Variants in REPS2 observed in about 807,000 individuals in gnomAD.
REPS2 encodes ralBP1-associated Eps domain-containing protein 2.
REPS2 carries 23 observed loss-of-function variants against 53.6 expected under a neutral mutation model. The observed-to-expected ratio is 0.43, with a 90% CI of 0.31 to 0.61. The LOEUF is 0.61. Ranked by LOEUF, REPS2 falls within the 20% of genes least tolerant of loss-of-function variation. The probability of loss-of-function intolerance (pLI) is 0.11; values close to 1 mark genes in which losing one functional copy is unlikely to be tolerated. For synonymous variants in REPS2, 238 were observed against 218.6 expected, an observed-to-expected ratio of 1.09 and a Z score of -0.78; for missense variants, 446 against 534.9, an observed-to-expected ratio of 0.83 and a Z score of 1.64.
intron 5 of REPS2, among the ~76,000 whole-genome samples, chrX:17,034,580 T>A (rs1383835319): frequency 1.8e-5 from 2 of 112,300 alleles, no homozygotes; most frequent in Non-Finnish European, 3.8e-5. Flanking sequence ...TATTTTTACC[T>A]GAATTTAGGG....
intron 4 of REPS2, among the ~76,000 whole-genome samples, chrX:17,026,946 C>G (rs1017386320): frequency 7.2e-5 from 8 of 110,645 alleles, no homozygotes; most frequent in Non-Finnish European, 1.3e-4. Flanking sequence ...TGCCACCACA[C>G]CGGGCTAATT....
At chrX:16,972,472 T>C (rs1293692139) in intron 1 of REPS2, among the ~76,000 whole-genome samples, 1 of 111,663 alleles carries the variant, frequency 9.0e-6, no homozygotes, top group Non-Finnish European at 1.9e-5. Flanking sequence ...TTGGCTTTTT[T>C]TTAGTGCCAC....
intron 1 of REPS2, among the ~76,000 whole-genome samples, chrX:16,962,356 GGA>G (rs971741751): frequency 9.7e-6 from 1 of 103,463 alleles, no homozygotes; most frequent in Non-Finnish European, 2.0e-5. Context: ...CCTTAAAAAA[GGA>G]GATCATGCTA....
chrX:17,056,533 A>G (rs1475361657), intron 8 of REPS2, among the ~76,000 whole-genome samples: 1 of 111,227 alleles, frequency 9.0e-6, no homozygotes, highest in East Asian at 2.8e-4. Flanking sequence ...ACTAAAAAAT[A>G]CAAAGAAAAA....
chrX:17,003,347 G>A (rs1485601496), intron 1 of REPS2, among the ~76,000 whole-genome samples: 6 of 111,727 alleles, frequency 5.4e-5, no homozygotes, highest in African/African-American at 2.0e-4. Flanking sequence ...CATCTGGTGT[G>A]ACTAAAGTCT....
chrX:17,133,798 G>A, intron 14 of REPS2, 26 bp from the exon 15 acceptor site: 2 of 1,170,697 alleles, frequency 1.7e-6, no homozygotes, highest in Non-Finnish European at 2.3e-6. Context: ...TTGCATTTCT[G>A]TCCTCTCTCT....
At chrX:17,061,793 G>A (rs778926989) in intron 8 of REPS2, among the ~76,000 whole-genome samples, 2 of 112,210 alleles carry the variant, frequency 1.8e-5, no homozygotes, top group Admixed American at 9.5e-5. Flanking sequence ...ATCTTTCCTC[G>A]TGTGAATTCA....
At chrX:17,050,611 A>T (rs1454577095) in intron 6 of REPS2, among the ~76,000 whole-genome samples, 1 of 111,464 alleles carries the variant, frequency 9.0e-6, no homozygotes, top group African/African-American at 3.3e-5. Flanking sequence ...TCACCTCATG[A>T]TGCATTTCTC....
At chrX:17,125,148 C>G (rs748514991) in intron 14 of REPS2, among the ~76,000 whole-genome samples, 8 of 110,898 alleles carry the variant, frequency 7.2e-5, no homozygotes, top group African/African-American at 2.3e-4. Flanking sequence ...CCACCATGCC[C>G]GGCCAGACTA....
intron 14 of REPS2, among the ~76,000 whole-genome samples, chrX:17,109,665 T>C (rs746131243): frequency 9.0e-6 from 1 of 111,308 alleles, no homozygotes; most frequent in Non-Finnish European, 1.9e-5. Context: ...CCTCAGGTCC[T>C]GTGTGTACTA....
chrX:17,181,801 TAC>T, the REPS2 span, among the ~76,000 whole-genome samples: 841 of 112,367 alleles, frequency 7.5e-3, 10 homozygotes, highest in African/African-American at 0.026. Context: ...CAAGTAAAAC[TAC>T]ACAGTTAGCC....
At chrX:17,085,107 C>T (rs779694555) in intron 13 of REPS2, among the ~76,000 whole-genome samples, 15 of 111,824 alleles carry the variant, frequency 1.3e-4, no homozygotes, top group Non-Finnish European at 7.5e-5. Context: ...ATACAGTTGT[C>T]CCAGTACCAT....
chrX:17,102,083 T>TTTATG (rs1170531314), intron 13 of REPS2, among the ~76,000 whole-genome samples: 1 of 43,650 alleles, frequency 2.3e-5, no homozygotes, highest in Non-Finnish European at 4.6e-5. Context: ...GTTATGTTAT[T>TTTATG]TTATTTTATT....
In REPS2 at chrX:17,103,654, A is replaced by G. The variant is rs750946686; in HGVS notation, c.1517-64A>G. ...CCATTGCCATTCCAAGTTAACAAGC[A>G]TAAGAGTTTTTTGTTGTTTATTTTT... On this transcript the variant is annotated intron_variant, in intron 13 of 17. Coordinates refer to ENST00000357277, the MANE Select transcript of REPS2 (RefSeq NM_004726.3). 26 of 1,050,153 alleles carry G rather than the reference A, an allele frequency of 2.5e-5. No individual in the cohort carries two copies. In the South Asian group the frequency reaches 4.6e-4, roughly 18 times the overall value. 86.5% of individuals were successfully genotyped at this position (1,050,153 alleles called of 1,213,427 possible).
intron 14 of REPS2, among the ~76,000 whole-genome samples, chrX:17,117,325 C>A (rs1603065265): frequency 9.0e-6 from 1 of 111,100 alleles, no homozygotes; most frequent in South Asian, 3.8e-4. Flanking sequence ...GCACAACGTG[C>A]AGGTTTGTTA....
intron 7 of REPS2, among the ~76,000 whole-genome samples, chrX:17,054,541 A>G (rs1206557648): frequency 8.9e-6 from 1 of 112,153 alleles, no homozygotes; most frequent in Non-Finnish European, 1.9e-5. Context: ...TTCTTGTCCT[A>G]TGTCCTCAGT....
intron 14 of REPS2, among the ~76,000 whole-genome samples, chrX:17,122,855 A>C (rs1451216714): frequency 8.9e-6 from 1 of 112,307 alleles, no homozygotes; most frequent in Non-Finnish European, 1.9e-5. Context: ...ATCACAGTCT[A>C]AGTGTGAACT....
intron 1 of REPS2, among the ~76,000 whole-genome samples, chrX:16,999,368 A>ATTTTTTTTTTTTTTTT (rs1162932789): frequency 1.6e-5 from 1 of 62,745 alleles, no homozygotes; most frequent in Non-Finnish European, 3.0e-5. Context: ...GATGTTCCTG[A>ATTTTTTTTTTTTTTTT]TTTTTTTTTT....
At chrX:17,130,020 G>A (rs897713284) in intron 14 of REPS2, among the ~76,000 whole-genome samples, 6 of 112,245 alleles carry the variant, frequency 5.3e-5, no homozygotes, top group Non-Finnish European at 1.1e-4. Context: ...TACCTTCCAA[G>A]CAATAGATTT....
Sources: allele counts gnomAD v4.1 joint callset (sites outside exome capture counted in the v4.1 genomes callset), GRCh38; gene constraint gnomAD v4.1.1; transcripts MANE v1.5; gene names NCBI Gene and HGNC (gene_info 2026-07-23, HGNC 2026-07-21).